Variants in XIRP2 observed in about 807,000 individuals in gnomAD.
XIRP2 encodes the protein xin actin-binding repeat-containing protein 2.
XIRP2 carries 236 observed loss-of-function variants against 277.0 expected under a neutral mutation model. The ratio of observed to expected loss-of-function variants is 0.85; its 90% CI spans 0.77 to 0.95. The LOEUF (loss-of-function observed/expected upper bound fraction) is 0.95, where lower values mean the gene tolerates loss of function less well. Among genes scored for constraint, XIRP2 ranks in the 40% least tolerant of loss-of-function variants. The probability of loss-of-function intolerance (pLI) is 0.00; values close to 1 mark genes in which losing one functional copy is unlikely to be tolerated. For missense variants in XIRP2, 4,640 were observed against 4,157.5 expected (o/e 1.12, Z -3.19); for synonymous variants, 1,490 against 1,416.5 (o/e 1.05, Z -1.17).
rs753381271 is a variant in XIRP2 at position 167,136,045 on chromosome 2, A to C, written c.545A>C (p.His182Pro). ...SFDKMSPESG[H>P]SRIFEATAGP... Reference sequence around the variant, plus strand: ...GACAAGATGTCACCTGAAAGTGGTCACAGCCGCATCTTTGAAGGTTAGCAT... The same window carrying C: ...GACAAGATGTCACCTGAAAGTGGTCCCAGCCGCATCTTTGAAGGTTAGCAT... The change falls in exon 3 of 11, where the codon CAC (histidine) becomes CCC (proline). Residue 182 changes from histidine (H) to proline (P), a missense_variant. His to Pro is a moderately conservative substitution (Grantham distance 77). Coordinates refer to ENST00000409195, the MANE Select transcript of XIRP2 (RefSeq NM_152381.6). 3 of 1,605,744 alleles carry C rather than the reference A, an allele frequency of 1.9e-6. No individual in the cohort carries two copies. In the Admixed American group the frequency reaches 5.2e-5, roughly 28 times the overall value.
At chr2:167,183,723 C>A (rs1693081941) in intron 3 of XIRP2, among the ~76,000 whole-genome samples, 1 of 151,882 alleles carries the variant, frequency 6.6e-6, no homozygotes, top group African/African-American at 2.4e-5. Context: ...ATTTAAGTAT[C>A]TACAACACCT....
At chr2:167,174,599 G>A (rs183100985) in intron 3 of XIRP2, among the ~76,000 whole-genome samples, 9 of 152,082 alleles carry the variant, frequency 5.9e-5, no homozygotes, top group African/African-American at 1.2e-4. Context: ...AGGGCTTTTC[G>A]TGTCTCTATC....
At chr2:167,049,185 CTT>C (rs559489461) in intron 2 of XIRP2, among the ~76,000 whole-genome samples, 3 of 142,904 alleles carry the variant, frequency 2.1e-5, no homozygotes. Flanking sequence ...TTCAAAAAGC[CTT>C]TTTTTTTTTT....
At chr2:167,152,751 G>A (rs1692053344) in intron 3 of XIRP2, among the ~76,000 whole-genome samples, 1 of 152,000 alleles carries the variant, frequency 6.6e-6, no homozygotes, top group Non-Finnish European at 1.5e-5. Context: ...ATTATAATAA[G>A]GGAACAGAAG....
chr2:166,896,047 G>C (rs1684233436), intron 1 of XIRP2, among the ~76,000 whole-genome samples: 1 of 152,060 alleles, frequency 6.6e-6, no homozygotes, highest in African/African-American at 2.4e-5. Flanking sequence ...TATGCTAAAA[G>C]GTTCCCTGGA....
intron 2 of XIRP2, among the ~76,000 whole-genome samples, chr2:167,013,237 A>G (rs1425597920): frequency 4.6e-5 from 7 of 151,406 alleles, no homozygotes; most frequent in Admixed American, 1.3e-4. Context: ...ATGATATCAG[A>G]TGCTCCTTGA....
intron 3 of XIRP2, among the ~76,000 whole-genome samples, chr2:167,207,564 A>C (rs563836057): frequency 1.3e-5 from 2 of 152,198 alleles, no homozygotes; most frequent in East Asian, 1.9e-4. Flanking sequence ...TGGACTCTCC[A>C]TAGAAAGTAA....
chr2:167,161,405 G>A (rs7561812), intron 3 of XIRP2, among the ~76,000 whole-genome samples: 15,039 of 152,226 alleles, frequency 0.099, 795 homozygotes, highest in South Asian at 0.15. Context: ...ACTTCTGCCT[G>A]GACATCCAGT....
At chr2:167,227,697 A>G (rs1340322055) in intron 5 of XIRP2, among the ~76,000 whole-genome samples, 2 of 152,090 alleles carry the variant, frequency 1.3e-5, no homozygotes, top group Non-Finnish European at 2.9e-5. Flanking sequence ...ACAAAGTGAG[A>G]CCCTGTCTCA....
intron 2 of XIRP2, among the ~76,000 whole-genome samples, chr2:167,099,740 G>T (rs1224073906): frequency 4.6e-5 from 7 of 152,152 alleles, no homozygotes; most frequent in Non-Finnish European, 2.9e-5. Context: ...GTCCCTCATG[G>T]CTTCCCTTGG....
At chr2:166,897,024 C>G (rs1684263789) in intron 1 of XIRP2, among the ~76,000 whole-genome samples, 1 of 152,150 alleles carries the variant, frequency 6.6e-6, no homozygotes, top group African/African-American at 2.4e-5. Flanking sequence ...TACCCTTAAG[C>G]TATACCCTCT....
chr2:167,084,794 T>G (rs952243045), intron 2 of XIRP2, among the ~76,000 whole-genome samples: 138 of 150,292 alleles, frequency 9.2e-4, no homozygotes, highest in African/African-American at 3.3e-3. Flanking sequence ...GATATCCCCT[T>G]TATCATTTTT....
intron 2 of XIRP2, among the ~76,000 whole-genome samples, chr2:167,010,403 G>A (rs1260924586): frequency 1.3e-5 from 2 of 151,442 alleles, no homozygotes; most frequent in Admixed American, 6.6e-5. Context: ...TATTTCTGAG[G>A]GCTCTGTTCT....
chr2:167,139,965 T>A (rs1013206642), intron 3 of XIRP2, among the ~76,000 whole-genome samples: 1 of 152,214 alleles, frequency 6.6e-6, no homozygotes, highest in Admixed American at 6.5e-5. Context: ...TCATAAGAGT[T>A]GATCCAGATG....
rs1162860994 is a variant in XIRP2 at position 167,247,101 on chromosome 2, A to G, written c.5709A>G (p.Glu1903=). ...GDIEKAIECL[E]KATNTKTEIL... is the part of the protein sequence containing the mutation. ...TTGAAAAAGCTATTGAATGCCTTGA[A>G]AAAGCTACAAATACAAAGACAGAAA... Residue 1903 remains glutamate (E), a synonymous_variant, in exon 9 of 11, where the codon GAA becomes GAG. Coordinates refer to ENST00000409195, the MANE Select transcript of XIRP2 (RefSeq NM_152381.6). 1.9e-6 allele frequency: 3 copies of G among 1,613,006 alleles called. No homozygotes were observed. Among genetic ancestry groups the G allele is most frequent in the African/African-American group, 2.7e-5 (2 of 74,784 alleles).
chr2:166,967,545 A>G (rs17614860), intron 2 of XIRP2, among the ~76,000 whole-genome samples: 5,566 of 151,990 alleles, frequency 0.037, 119 homozygotes, highest in East Asian at 0.061. Context: ...TGGGCACTAC[A>G]TGATCAGAAA....
At chr2:166,909,713 T>C (rs1025061392) in intron 2 of XIRP2, among the ~76,000 whole-genome samples, 2 of 152,220 alleles carry the variant, frequency 1.3e-5, no homozygotes, top group Non-Finnish European at 2.9e-5. Flanking sequence ...AAGGGAATGC[T>C]TCCAGTTTTT....
intron 2 of XIRP2, among the ~76,000 whole-genome samples, chr2:167,072,155 G>A (rs1689453425): frequency 6.6e-6 from 1 of 152,152 alleles, no homozygotes; most frequent in South Asian, 2.1e-4. Context: ...TAGAGTGTGT[G>A]TGTGGTATGA....
chr2:167,170,535 G>A (rs1692656364), intron 3 of XIRP2, among the ~76,000 whole-genome samples: 1 of 152,058 alleles, frequency 6.6e-6, no homozygotes, highest in Non-Finnish European at 1.5e-5. Flanking sequence ...CTTGTGATTA[G>A]TGGTATCTTT....
Sources: gnomAD v4.1 joint callset for allele counts (sites outside exome capture counted in the v4.1 genomes callset) on GRCh38, gnomAD v4.1.1 for gene constraint, MANE v1.5 for transcripts, NCBI Gene and HGNC (gene_info 2026-07-23, HGNC 2026-07-21) for gene names.